IMMP2L: variants seen among roughly 807,000 people sequenced by gnomAD.
IMMP2L encodes inner mitochondrial membrane peptidase subunit 2.
Under a neutral mutation model 19.3 loss-of-function variants are expected in IMMP2L, and 18 were observed. The observed-to-expected ratio is 0.93, with a 90% confidence interval of 0.64 to 1.38. The LOEUF is 1.38. Among genes scored for constraint, IMMP2L ranks in the 40% most tolerant of loss-of-function variants. The pLI is 0.00. For missense variants in IMMP2L, 233 were observed against 218.2 expected (o/e 1.07, Z -0.43); for synonymous variants, 76 against 73.0 (o/e 1.04, Z -0.21).
intron 3 of IMMP2L, among the ~76,000 whole-genome samples, chr7:111,461,164 T>A (rs906211374): frequency 6.6e-6 from 1 of 152,080 alleles, no homozygotes; most frequent in Admixed American, 6.6e-5. Context: ...TTATTAAACA[T>A]AAGCCTTTCC....
At chr7:110,985,648 T>A (rs985694218) in intron 3 of IMMP2L, among the ~76,000 whole-genome samples, 2 of 152,166 alleles carry the variant, frequency 1.3e-5, no homozygotes, top group Admixed American at 1.3e-4. Context: ...ATAAACTCCA[T>A]ATTTGTTAAG....
intron 3 of IMMP2L, among the ~76,000 whole-genome samples, chr7:111,400,420 C>A (rs896025384): frequency 1.3e-5 from 2 of 152,070 alleles, no homozygotes; most frequent in Non-Finnish European, 1.5e-5. Context: ...GATGACATGA[C>A]CTGTATCCCC....
chr7:111,181,220 T>G (rs62466685), intron 3 of IMMP2L, among the ~76,000 whole-genome samples: 1 of 152,022 alleles, frequency 6.6e-6, no homozygotes, highest in Non-Finnish European at 1.5e-5. Context: ...TTTCCTCTGC[T>G]GTGTGGTTGG....
chr7:111,469,286 G>A (rs1396859773), intron 3 of IMMP2L, among the ~76,000 whole-genome samples: 2 of 152,040 alleles, frequency 1.3e-5, no homozygotes, highest in Admixed American at 1.3e-4. Context: ...TTCCAATTCT[G>A]TGAAGAAAGT....
intron 3 of IMMP2L, among the ~76,000 whole-genome samples, chr7:111,081,990 G>C (rs889587392): frequency 5.9e-5 from 9 of 152,152 alleles, no homozygotes; most frequent in Non-Finnish European, 8.8e-5. Context: ...AGTGGAGCAG[G>C]AGTCTCCTAG....
In IMMP2L at chr7:111,494,281, G is replaced by T. The variant is rs532941963; in HGVS notation, c.136-6940C>A. ...TCAGATATTCCTGCTAGTAGTCACA[G>T]TGATTTCCAGTAGCAAAAGGAAAAA... On this transcript the variant is annotated intron_variant, in intron 2 of 5. Transcript: ENST00000405709. Among the ~76,000 whole-genome samples, 11 of 152,224 alleles carry T rather than the reference G, an allele frequency of 7.2e-5. No homozygotes were observed. The South Asian group carries it at 2.3e-3, about 32-fold the overall frequency.
At position 110,803,955 on chromosome 7, in the gene IMMP2L, G is replaced by A. The variant is rs1801434485; in HGVS notation, c.408+82638C>T. 6.6e-6 allele frequency among the ~76,000 whole-genome samples: 1 copy of A among 152,012 alleles called. No individual in the cohort carries two copies. Among genetic ancestry groups the A allele is most frequent in the Non-Finnish European group, 1.5e-5 (1 of 67,992 alleles). Reference sequence around the variant, plus strand: ...AGTCTTCTTGGTGATTATGATATAAGCTGAAGTTTAAGAACAACTGGTAAA... The same window carrying A: ...AGTCTTCTTGGTGATTATGATATAAACTGAAGTTTAAGAACAACTGGTAAA... On this transcript the variant is annotated intron_variant, in intron 5 of 5. Coordinates refer to ENST00000405709, the MANE Select transcript of IMMP2L (RefSeq NM_032549.4). This position sits in a 1 kb window ranked among gnomAD's most constrained non-coding sequence, Gnocchi z 4.2.
chr7:110,699,743 G>C (rs1243128162), intron 5 of IMMP2L, among the ~76,000 whole-genome samples: 1 of 145,142 alleles, frequency 6.9e-6, no homozygotes, highest in Non-Finnish European at 1.5e-5. Context: ...ACTTCAGTCT[G>C]GGTGACTGAG....
chr7:111,012,901 A>G (rs2129563965), intron 3 of IMMP2L, among the ~76,000 whole-genome samples: 1 of 152,304 alleles, frequency 6.6e-6, no homozygotes, highest in South Asian at 2.1e-4. Flanking sequence ...ATTGTAAGAA[A>G]ATTTGCAATT....
chr7:111,125,306 A>AT (rs1463085048), intron 3 of IMMP2L: 1 of 171,988 alleles, frequency 5.8e-6, no homozygotes, highest in Admixed American at 6.4e-5. Flanking sequence ...ATAAACTTGA[A>AT]TTGACACGTG....
rs565510401 is a variant in IMMP2L, at chr7:110,676,190, G to A, written c.409-12469C>T. Among the ~76,000 whole-genome samples, 3 of 152,182 alleles carry A rather than the reference G, an allele frequency of 2.0e-5. No homozygotes were observed. The East Asian group carries it at 5.8e-4, about 29-fold the overall frequency. ...TCTGTGATGTTATGTAATAATTTAT[G>A]TTTCCATCTCTATAGCAAGGGTCAG... On this transcript the variant is annotated intron_variant, in intron 5 of 5. Coordinates refer to ENST00000405709, the MANE Select transcript of IMMP2L (RefSeq NM_032549.4).
chr7:110,680,005 G>A (rs1792595562), intron 5 of IMMP2L, among the ~76,000 whole-genome samples: 1 of 152,088 alleles, frequency 6.6e-6, no homozygotes, highest in Non-Finnish European at 1.5e-5. Context: ...GTCTAGTACA[G>A]GACACTCTAA....
At chr7:111,004,583 CTTCTGA>C (rs1393308213) in intron 3 of IMMP2L, among the ~76,000 whole-genome samples, 1 of 75,434 alleles carries the variant, frequency 1.3e-5, no homozygotes, top group Non-Finnish European at 3.0e-5. Context: ...CAAAATAGAT[CTTCTGA>C]TGAGAAACTC....
intron 3 of IMMP2L, among the ~76,000 whole-genome samples, chr7:111,379,741 A>T (rs1443153651): frequency 6.6e-6 from 1 of 151,950 alleles, no homozygotes; most frequent in African/African-American, 2.4e-5. Context: ...ATTGTCTAAC[A>T]TGTAACTGCC....
intron 3 of IMMP2L, among the ~76,000 whole-genome samples, chr7:111,431,729 G>C (rs1258410479): frequency 6.6e-6 from 1 of 151,658 alleles, no homozygotes; most frequent in Non-Finnish European, 1.5e-5. Flanking sequence ...CCTACCAAAA[G>C]CTCTAATTCT....
chr7:111,342,145 G>C lies in IMMP2L; in HGVS notation c.239+145093C>G, dbSNP rs538253898. 2.6e-5 allele frequency among the ~76,000 whole-genome samples: 4 copies of C among 152,278 alleles called. No homozygotes were observed. The East Asian group carries it at 7.7e-4, about 29-fold the overall frequency. On this transcript the variant is annotated intron_variant, in intron 3 of 5. Coordinates refer to ENST00000405709, the MANE Select transcript of IMMP2L (RefSeq NM_032549.4). ...ATATTAAAAGAGAGATTTGATACTG[G>C]ATTGTAGAGGAGAAATAACTTTTGT...
intron 5 of IMMP2L, among the ~76,000 whole-genome samples, chr7:110,839,189 C>T (rs1349495451): frequency 1.3e-5 from 2 of 151,476 alleles, no homozygotes; most frequent in East Asian, 3.9e-4. Flanking sequence ...GAAGGACAGA[C>T]CTTGGAATAT....
chr7:111,404,383 T>C (rs1035487578), intron 3 of IMMP2L, among the ~76,000 whole-genome samples: 6 of 152,276 alleles, frequency 3.9e-5, no homozygotes, highest in Admixed American at 3.9e-4. Context: ...GAACACATTA[T>C]ACATAACAGA....
At chr7:111,375,714 G>A (rs1040133957) in intron 3 of IMMP2L, among the ~76,000 whole-genome samples, 2 of 151,916 alleles carry the variant, frequency 1.3e-5, no homozygotes, top group African/African-American at 4.8e-5. Flanking sequence ...AGTAGAGATG[G>A]GGATTCACCA....
Sources: gnomAD v4.1 joint callset for allele counts (sites outside exome capture counted in the v4.1 genomes callset) on GRCh38, gnomAD v4.1.1 for gene constraint, Gnocchi (gnomAD v3.1) non-coding constraint, MANE v1.5 for transcripts, NCBI Gene and HGNC (gene_info 2026-07-23, HGNC 2026-07-21) for gene names.